The following DYSF variants were observed in gnomAD, a reference collection of about 807,000 sequenced individuals.
DYSF encodes dysferlin, also known as dystrophy-associated fer-1-like 1.
In DYSF, 212 loss-of-function variants were observed where a neutral mutation model predicts 274.9. That is an observed-to-expected ratio of 0.77 (90% CI 0.69 to 0.86). The LOEUF is 0.86. Among genes scored for constraint, DYSF ranks in the 40% least tolerant of loss-of-function variants. The pLI is 0.00. For synonymous variants in DYSF, 1,091 were observed against 1,078.7 expected, an observed-to-expected ratio of 1.01 and a Z score of -0.22; for missense variants, 2,666 against 2,783.2, an observed-to-expected ratio of 0.96 and a Z score of 0.95.
chr2:71,598,791 A>G (rs766468692), intron 33 of DYSF, 46 bp downstream of exon 33: 3 of 1,601,184 alleles, frequency 1.9e-6, no homozygotes, highest in Non-Finnish European at 2.5e-6. Context: ...GGGAGGGACC[A>G]TGTGCAAAGG....
intron 7 of DYSF, among the ~76,000 whole-genome samples, chr2:71,514,168 A>T (rs2086411778): frequency 6.7e-6 from 1 of 150,044 alleles, no homozygotes. Context: ...AAAAAAAAAA[A>T]GTCACTGCAG....
chr2:71,660,489 A>G lies in DYSF; in HGVS notation c.4912-71A>G, dbSNP rs1440106675. ...CTGCTCCCTCATCCCATCCAGAGGC[A>G]AGGCACTCATGAAGCCTCAAAGACA... On this transcript the variant is annotated intron_variant, in intron 44 of 55. Transcript: ENST00000410020. 3.0e-6 allele frequency: 4 copies of G among 1,329,892 alleles called. No individual in the cohort carries two copies. In the Admixed American group the frequency reaches 6.7e-5, roughly 22 times the overall value. The allele number at this position is 1,329,892 out of a possible 1,614,324, so 82.4% of individuals were successfully genotyped here. A position where few individuals can be genotyped will look rare whatever the true frequency, so the allele number is the denominator to read the frequency against.
At chr2:71,466,637 G>T (rs1190541946), upstream of DYSF, 6 of 1,298,686 alleles carry the variant, frequency 4.6e-6, no homozygotes, top group Non-Finnish European at 5.9e-6. Flanking sequence ...AGGGGCCGGA[G>T]GGGGAGGGTC....
At chr2:71,520,399 G>T (rs139831823) in intron 11 of DYSF, among the ~76,000 whole-genome samples, 191 bp downstream of exon 11, 1 of 152,190 alleles carries the variant, frequency 6.6e-6, no homozygotes, top group East Asian at 1.9e-4. Flanking sequence ...ACACTCACCT[G>T]TGTCTCCGTT....
chr2:71,653,728 T>G (rs917634761), intron 42 of DYSF, among the ~76,000 whole-genome samples: 7 of 151,338 alleles, frequency 4.6e-5, no homozygotes, highest in East Asian at 1.9e-4. Context: ...AGTTAATGGG[T>G]GCAGCACACC....
In DYSF at chr2:71,647,940, G is replaced by A. The variant is rs116033248; in HGVS notation, c.4626+3877G>A. Among the ~76,000 whole-genome samples, 951 of 152,330 alleles carry A rather than the reference G, an allele frequency of 6.2e-3. 16 individuals carry two copies. The highest frequency in any genetic ancestry group is 0.021 in the African/African-American group (883 of 41,562). ...TGGAGACAGGTTGAAGCTGATGACAGAAGCCTCTTAGACCTGATTTGATTC... is the reference window on the plus strand; with the variant it reads ...TGGAGACAGGTTGAAGCTGATGACAAAAGCCTCTTAGACCTGATTTGATTC... On this transcript the variant is annotated intron_variant, in intron 42 of 55. Transcript: ENST00000410020.
intron 31 of DYSF, 152 bp downstream of exon 31, chr2:71,589,838 T>C (rs1261704140): frequency 2.5e-6 from 2 of 790,190 alleles, no homozygotes; most frequent in Non-Finnish European, 4.4e-6. Flanking sequence ...TGTATGTGTG[T>C]GTGTGTGCGC....
chr2:71,479,711 C>T (rs1243347820), intron 1 of DYSF, among the ~76,000 whole-genome samples: 1 of 152,212 alleles, frequency 6.6e-6, no homozygotes, highest in Non-Finnish European at 1.5e-5. Flanking sequence ...AGAGGAAGGG[C>T]TTCTGCCGTG....
At chr2:71,541,245 C>T (rs1191948905) in intron 17 of DYSF, among the ~76,000 whole-genome samples, 4 of 152,168 alleles carry the variant, frequency 2.6e-5, no homozygotes, top group African/African-American at 9.7e-5. Context: ...ACCCATAAAA[C>T]CATATGGGCT....
intron 45 of DYSF, 92 bp downstream of exon 45, chr2:71,660,743 C>T (rs778646396): frequency 3.9e-5 from 44 of 1,132,336 alleles, no homozygotes; most frequent in Non-Finnish European, 4.9e-5. Flanking sequence ...CTGTGAAGTC[C>T]GTATCTCTTG....
intron 1 of DYSF, among the ~76,000 whole-genome samples, chr2:71,477,625 T>C (rs1162553457): frequency 6.6e-6 from 1 of 152,240 alleles, no homozygotes; most frequent in African/African-American, 2.4e-5. Flanking sequence ...TCTACGTAAC[T>C]GACTGAACAA....
At chr2:71,519,133 G>A (rs552051197) in intron 10 of DYSF, among the ~76,000 whole-genome samples, 5 of 146,286 alleles carry the variant, frequency 3.4e-5, no homozygotes, top group South Asian at 4.3e-4. Flanking sequence ...TTACTGGGTT[G>A]GACCTGATGG....
Position 71,590,233 on chromosome 2 carries a change from C to T in DYSF, c.3519C>T (p.Arg1173=). ...AAGATGGGAACCGCTACCATCTACG[C>T]TGCTACATGTACCAGGCCCGGGACC... is the stretch of plus-strand genomic sequence containing the variant. The part of the protein sequence containing the change: ...IFDYGNRYHL[R]CYMYQARDLA... Residue 1173 remains arginine, a synonymous_variant, in exon 32 of 56, where the codon CGC becomes CGT. Transcript: ENST00000410020. The T allele has an allele frequency of 6.2e-7, 1 of 1,614,180 alleles. No homozygotes were observed. Among genetic ancestry groups the T allele is most frequent in the South Asian group, 1.1e-5 (1 of 91,086 alleles).
chr2:71,600,922 ACCT>A, intron 34 of DYSF, 80 bp downstream of exon 34: 3 of 1,583,482 alleles, frequency 1.9e-6, no homozygotes, highest in African/African-American at 1.3e-5. Context: ...AGCCTGGAAC[ACCT>A]CCTCTGAAGC....
At chr2:71,535,368 C>T (rs925467040) in intron 16 of DYSF, 57 bp downstream of exon 16, 1 of 1,535,944 alleles carries the variant, frequency 6.5e-7, no homozygotes, top group Non-Finnish European at 9.0e-7. Flanking sequence ...GCGCTGGGTC[C>T]CTCAGTTTCA....
intron 1 of DYSF, among the ~76,000 whole-genome samples, chr2:71,478,061 T>G (rs757851255): frequency 6.6e-6 from 1 of 151,090 alleles, no homozygotes; most frequent in Non-Finnish European, 1.5e-5. Flanking sequence ...TTTTTTTTGC[T>G]ATATATGTGT....
intron 41 of DYSF, among the ~76,000 whole-genome samples, chr2:71,636,971 G>T (rs1395257972): frequency 6.6e-6 from 1 of 152,186 alleles, no homozygotes; most frequent in Non-Finnish European, 1.5e-5. Flanking sequence ...ACTGCTCCTG[G>T]ATTGATTATT....
At chr2:71,465,406 T>A (rs2081469157), upstream of DYSF, among the ~76,000 whole-genome samples, 1 of 151,190 alleles carries the variant, frequency 6.6e-6, no homozygotes, top group African/African-American at 2.4e-5. Context: ...AAACTGAGAG[T>A]GAGGTTGGGC....
chr2:71,625,357 C>T (rs188766820), intron 41 of DYSF, among the ~76,000 whole-genome samples: 34 of 152,126 alleles, frequency 2.2e-4, no homozygotes, highest in Admixed American at 1.4e-3. Flanking sequence ...ATTTTGCGTG[C>T]GTGTTAATTG....
Sources: gnomAD v4.1 joint callset for allele counts (sites outside exome capture counted in the v4.1 genomes callset) on GRCh38, gnomAD v4.1.1 for gene constraint, MANE v1.5 for transcripts, NCBI Gene and HGNC (gene_info 2026-07-23, HGNC 2026-07-21) for gene names.